TMBIM4: variants seen among roughly 807,000 people sequenced by gnomAD.
TMBIM4 encodes the protein protein lifeguard 4.
In TMBIM4, 28 loss-of-function variants were observed where a neutral mutation model predicts 27.7. That is an observed-to-expected ratio of 1.01 (90% CI 0.75 to 1.38). The LOEUF is 1.38. Among genes scored for constraint, TMBIM4 ranks in the 40% most tolerant of loss-of-function variants. The probability of loss-of-function intolerance (pLI) is 0.00; values close to 1 mark genes in which losing one functional copy is unlikely to be tolerated. For missense variants in TMBIM4, 265 were observed against 277.5 expected, an observed-to-expected ratio of 0.95 and a Z score of 0.32; for synonymous variants, 115 against 113.1, an observed-to-expected ratio of 1.02 and a Z score of -0.11.
intron 5 of TMBIM4, among the ~76,000 whole-genome samples, chr12:66,140,268 T>A (rs2051646751): frequency 6.6e-6 from 1 of 151,972 alleles, no homozygotes. Flanking sequence ...AGAATGATCA[T>A]GAGGAGGAGA....
At chr12:66,151,392 C>G (rs1028460754) in intron 3 of TMBIM4, among the ~76,000 whole-genome samples, 1 of 152,068 alleles carries the variant, frequency 6.6e-6, no homozygotes, top group Non-Finnish European at 1.5e-5. Flanking sequence ...TGCACACCAC[C>G]ATGCCCAGCT....
chr12:66,151,040 CTT>C (rs1453361637), intron 3 of TMBIM4, among the ~76,000 whole-genome samples: 9 of 152,140 alleles, frequency 5.9e-5, no homozygotes, highest in Non-Finnish European at 1.0e-4. Context: ...TTTGCAATAA[CTT>C]GAGTTAGAAT....
chr12:66,158,509 T>C (rs1047760767), intron 1 of TMBIM4, among the ~76,000 whole-genome samples: 1 of 150,624 alleles, frequency 6.6e-6, no homozygotes, highest in Non-Finnish European at 1.5e-5. Context: ...TGTGGTGGCA[T>C]GTGCCTGTAA....
rs1459237622 is a variant in TMBIM4 at position 66,138,115 on chromosome 12, G to A, written c.562C>T (p.Leu188Phe). The A allele has an allele frequency of 6.2e-7, 1 of 1,613,886 alleles. No homozygotes were observed. Among genetic ancestry groups the A allele is most frequent in the Admixed American group, 1.7e-5 (1 of 60,006 alleles). The stretch of plus-strand genomic sequence containing the variant: ...TAGATGATGAATCCACAGAAAAGAA[G>A]GGCTCCTGCAGCGGCTAAGACCAAC... ...MELVLAAAGALLFCGFIIYDT... is the reference protein window; with the variant it reads ...MELVLAAAGAFLFCGFIIYDT... The change falls in exon 7 of 7, where the codon CTT becomes TTT. Residue 188 changes from leucine to phenylalanine, a missense_variant. Coordinates refer to ENST00000358230, the MANE Select transcript of TMBIM4 (RefSeq NM_016056.4).
chr12:66,154,105 C>A (rs574547545), intron 1 of TMBIM4, among the ~76,000 whole-genome samples: 9 of 152,238 alleles, frequency 5.9e-5, no homozygotes, highest in Admixed American at 5.2e-4. Flanking sequence ...ATACAATGAA[C>A]TTCCAAGAAC....
chr12:66,165,732 T>C (rs1366644383), intron 1 of TMBIM4, among the ~76,000 whole-genome samples: 5 of 152,240 alleles, frequency 3.3e-5, no homozygotes, highest in African/African-American at 1.2e-4. Context: ...TCTCCCAGTA[T>C]GTAGTCTATC....
At position 66,162,805 on chromosome 12, in the gene TMBIM4, G is replaced by A. The variant is rs897301156; in HGVS notation, c.97+7050C>T. 2.6e-5 allele frequency among the ~76,000 whole-genome samples: 4 copies of A among 152,058 alleles called. 1 individual carries two copies. Among genetic ancestry groups the A allele is most frequent in the Non-Finnish European group, 1.5e-5 (1 of 68,006 alleles). ...AACAAAATGTTTAATTTACAGCTTT[G>A]TCTCTTTATTTTGTTTTCAACAAAA... On this transcript the variant is annotated intron_variant, in intron 1 of 6. Coordinates refer to ENST00000358230, the MANE Select transcript of TMBIM4 (RefSeq NM_016056.4).
rs542473051 is a variant in TMBIM4 at position 66,139,488 on chromosome 12, G to A, written c.465-719C>T. 3.3e-5 allele frequency among the ~76,000 whole-genome samples: 5 copies of A among 152,180 alleles called. 1 individual carries two copies. The highest frequency in any genetic ancestry group is 7.3e-5 in the Non-Finnish European group (5 of 68,032). On this transcript the variant is annotated intron_variant, in intron 5 of 6. Transcript: ENST00000358230. Reference sequence around the variant, plus strand: ...AACAGCACAGGACAGGGATTCCTGAGATAAAGGATACAAAGAAAGTGAAGT... The same window carrying A: ...AACAGCACAGGACAGGGATTCCTGAAATAAAGGATACAAAGAAAGTGAAGT...
chr12:66,169,977 C>G lies in TMBIM4; in HGVS notation c.-26G>C, dbSNP rs2052210623. Reference sequence around the variant, plus strand: ...GATGGCAACAGCACCCCTACCGGTCCCGGTCCACTAACCGCAACCGCCTCC... The same window carrying G: ...GATGGCAACAGCACCCCTACCGGTCGCGGTCCACTAACCGCAACCGCCTCC... On this transcript the variant is annotated 5_prime_UTR_variant, in exon 1 of 7. Coordinates refer to ENST00000358230, the MANE Select transcript of TMBIM4 (RefSeq NM_016056.4). 2.1e-6 allele frequency: 3 copies of G among 1,455,284 alleles called. No homozygotes were observed. The highest frequency in any genetic ancestry group is 6.0e-5 in the East Asian group (2 of 33,258). The allele number at this position is 1,455,284 out of a possible 1,614,324, so 90.1% of individuals were successfully genotyped here. A position where few individuals can be genotyped will look rare whatever the true frequency, so the allele number is the denominator to read the frequency against.
intron 5 of TMBIM4, among the ~76,000 whole-genome samples, chr12:66,142,411 A>T (rs1164237806): frequency 4.7e-5 from 7 of 150,502 alleles, no homozygotes; most frequent in African/African-American, 1.5e-4. Context: ...ATATTACCCT[A>T]CTTGCAGGCT....
chr12:66,169,940 G>T lies in TMBIM4; in HGVS notation c.12C>A (p.Pro4=). 6.7e-7 allele frequency: 1 copy of T among 1,495,674 alleles called. No individual in the cohort carries two copies. Among genetic ancestry groups the T allele is most frequent in the Non-Finnish European group, 8.9e-7 (1 of 1,124,218 alleles). The allele number at this position is 1,495,674 out of a possible 1,614,324, so 92.7% of individuals were successfully genotyped here. The change falls in exon 1 of 7, where the codon CCC becomes CCA. Residue 4 remains proline, a synonymous_variant. Transcript: ENST00000358230. MAD[P]DPRYPRSSIE... ...TCGAGGAGCGAGGGTACCGGGGGTC[G>T]GGGTCAGCCATGATGGCAACAGCAC...
In TMBIM4 at chr12:66,136,089, AAAAAAAAG is replaced by A. The variant is rs1283367199; in HGVS notation, c.*1863_*1870del. On this transcript the variant is annotated 3_prime_UTR_variant, in exon 7 of 7. Coordinates refer to ENST00000358230, the MANE Select transcript of TMBIM4 (RefSeq NM_016056.4). ...AATAAATTAAAAAAAAAAAAAAAAA[AAAAAAAAG>A]AAAATGGTATTAATACCATCAGCTG... is the stretch of plus-strand genomic sequence containing the variant. The A allele has an allele frequency of 5.5e-5, 2 of 36,696 alleles. 1 individual carries two copies. The highest frequency in any genetic ancestry group is 9.5e-5 in the Non-Finnish European group (2 of 21,072). 2.3% of individuals were successfully genotyped at this position (36,696 alleles called of 1,614,324 possible). A position where few individuals can be genotyped will look rare whatever the true frequency, so the allele number is the denominator to read the frequency against.
chr12:66,154,338 A>G (rs2051898648), intron 1 of TMBIM4, among the ~76,000 whole-genome samples: 1 of 152,202 alleles, frequency 6.6e-6, no homozygotes, highest in Non-Finnish European at 1.5e-5. Context: ...CTTCACCCCC[A>G]TTAGACTGTA....
intron 3 of TMBIM4, 120 bp downstream of exon 3, chr12:66,152,151 A>G (rs1286611942): frequency 6.8e-6 from 3 of 438,150 alleles, no homozygotes; most frequent in East Asian, 4.1e-5. Flanking sequence ...TTAATTTCCT[A>G]AAGTACTCTA....
In TMBIM4 at chr12:66,138,097, T is replaced by C. The variant is rs202194444; in HGVS notation, c.580A>G (p.Ile194Val). The change falls in exon 7 of 7, where the codon ATC (isoleucine) becomes GTC (valine). Residue 194 changes from isoleucine to valine, a missense_variant. Transcript: ENST00000358230. ...ATCAGTGAGTGTGTGTCATAGATGA[T>C]GAATCCACAGAAAAGAAGGGCTCCT... Reference protein sequence around the residue: ...AAGALLFCGFIIYDTHSLMHK... With the variant: ...AAGALLFCGFVIYDTHSLMHK... The C allele has an allele frequency of 3.1e-4, 497 of 1,613,840 alleles. No individual in the cohort carries two copies. Among genetic ancestry groups the C allele is most frequent in the Non-Finnish European group, 4.1e-4 (483 of 1,179,998 alleles).
intron 5 of TMBIM4, among the ~76,000 whole-genome samples, chr12:66,142,884 C>T (rs1417021105): frequency 2.0e-5 from 3 of 152,128 alleles, no homozygotes; most frequent in Admixed American, 1.3e-4. Flanking sequence ...TGGACAAGAT[C>T]CTACATTTGA....
intron 1 of TMBIM4, among the ~76,000 whole-genome samples, chr12:66,164,691 C>T (rs1363232448): frequency 6.6e-6 from 1 of 152,150 alleles, no homozygotes; most frequent in African/African-American, 2.4e-5. Context: ...AAGACAAGGA[C>T]GTTTGCTTTT....
chr12:66,160,800 G>A (rs1011672847), intron 1 of TMBIM4, among the ~76,000 whole-genome samples: 5 of 152,004 alleles, frequency 3.3e-5, no homozygotes, highest in South Asian at 4.2e-4. Flanking sequence ...ACAGGGCGGC[G>A]GCCGGGCAGA....
At chr12:66,168,065 A>C (rs1172744501) in intron 1 of TMBIM4, among the ~76,000 whole-genome samples, 2 of 151,964 alleles carry the variant, frequency 1.3e-5, no homozygotes, top group Non-Finnish European at 2.9e-5. Flanking sequence ...CCAAAAGTAC[A>C]AAAAAATTAG....
Sources: gnomAD v4.1 joint callset for allele counts (sites outside exome capture counted in the v4.1 genomes callset) on GRCh38, gnomAD v4.1.1 for gene constraint, MANE v1.5 for transcripts, NCBI Gene and HGNC (gene_info 2026-07-23, HGNC 2026-07-21) for gene names.